The following JOSD1 variants were observed in gnomAD, a reference collection of about 807,000 sequenced individuals.
JOSD1 encodes josephin-1.
JOSD1 carries 11 observed loss-of-function variants against 24.3 expected under a neutral mutation model. The observed-to-expected ratio is 0.45, with a 90% CI of 0.29 to 0.75. The LOEUF is 0.75. Ranked by LOEUF, JOSD1 falls within the 30% of genes least tolerant of loss-of-function variation. JOSD1 has a pLI of 0.11. For synonymous variants in JOSD1, 106 were observed against 93.8 expected, an observed-to-expected ratio of 1.13 and a Z score of -0.75; for missense variants, 184 against 253.5, an observed-to-expected ratio of 0.73 and a Z score of 1.86.
chr22:38,700,908 G>A lies in JOSD1; in HGVS notation c.-740C>T, dbSNP rs1430049885. The A allele has an allele frequency of 1.2e-5, 12 of 984,426 alleles. No homozygotes were observed. The highest frequency in any genetic ancestry group is 1.4e-5 in the Non-Finnish European group (12 of 829,664). The allele number at this position is 984,426 out of a possible 1,614,324, so 61.0% of individuals were successfully genotyped here. A position where few individuals can be genotyped will look rare whatever the true frequency, so the allele number is the denominator to read the frequency against. ...CGCCGCTGGCGGTCCCCTCACCGCA[G>A]CCGGCCGCCACCTGGAGTGCGCGCC... On this transcript the variant is annotated 5_prime_UTR_variant, in exon 1 of 5. Transcript: ENST00000683374.
intron 2 of JOSD1, among the ~76,000 whole-genome samples, chr22:38,698,438 CTG>C (rs1412025533): frequency 6.6e-6 from 1 of 152,202 alleles, no homozygotes; most frequent in Non-Finnish European, 1.5e-5. Flanking sequence ...TGGTCCATAC[CTG>C]TGTTTTACAA....
Position 38,699,824 on chromosome 22 carries a change from G to A in JOSD1, c.164C>T (p.Thr55Met), listed in dbSNP as rs374778860. ...CTACCTCTGGAAAATCTCTTGCAGC[G>A]TATCCCGGGTGAAGGCATTGCTGTC... Reference protein sequence around the residue: ...FQDSNAFTRDTLQEIFQRLSP... With the variant: ...FQDSNAFTRDMLQEIFQRLSP... The change falls in exon 2 of 5, where the codon ACG (threonine) becomes ATG (methionine). Residue 55 changes from threonine to methionine, a missense_variant. Coordinates refer to ENST00000683374, the MANE Select transcript of JOSD1 (RefSeq NM_001360236.2). 48 of 1,614,036 alleles carry A rather than the reference G, an allele frequency of 3.0e-5. No homozygotes were observed. The highest frequency in any genetic ancestry group is 8.8e-5 in the South Asian group (8 of 91,080).
intron 2 of JOSD1, among the ~76,000 whole-genome samples, chr22:38,697,387 T>A (rs1408331169): frequency 6.6e-6 from 1 of 152,266 alleles, no homozygotes; most frequent in Non-Finnish European, 1.5e-5. Flanking sequence ...CTTTATATTA[T>A]GCTGCTAGAA....
At chr22:38,701,090 G>T (rs1047907445), upstream of JOSD1, 10 of 655,794 alleles carry the variant, frequency 1.5e-5, no homozygotes, top group African/African-American at 3.9e-5. Context: ...CACCGGCCTG[G>T]GAGCCGCAGA....
At chr22:38,696,532 G>A (rs530192953) in intron 2 of JOSD1, among the ~76,000 whole-genome samples, 5 of 152,242 alleles carry the variant, frequency 3.3e-5, no homozygotes, top group African/African-American at 1.2e-4. Flanking sequence ...GAGCCACCGT[G>A]CCTGGCCCAC....
chr22:38,699,589 G>A (rs952730510), intron 2 of JOSD1, among the ~76,000 whole-genome samples: 2 of 152,212 alleles, frequency 1.3e-5, no homozygotes, highest in African/African-American at 4.8e-5. Context: ...GATCACTCAA[G>A]AAAACACAGC....
At chr22:38,699,692 G>A (rs1419444409) in intron 2 of JOSD1, 111 bp downstream of exon 2, 4 of 1,022,610 alleles carry the variant, frequency 3.9e-6, no homozygotes, top group Non-Finnish European at 6.1e-6. Context: ...ACCTGCTAAC[G>A]CAATCTAGCT....
At chr22:38,695,039 T>C (rs887455053) in intron 2 of JOSD1, among the ~76,000 whole-genome samples, 1 of 152,122 alleles carries the variant, frequency 6.6e-6, no homozygotes, top group Admixed American at 6.6e-5. Flanking sequence ...AAGATTCTTT[T>C]CCCCGCCCTA....
Position 38,686,199 on chromosome 22 carries a change from C to T in JOSD1, c.*1703G>A, listed in dbSNP as rs561360195. 1.3e-5 allele frequency: 2 copies of T among 152,664 alleles called. No homozygotes were observed. Among genetic ancestry groups the T allele is most frequent in the South Asian group, 2.1e-4 (1 of 4,814 alleles). The allele number at this position is 152,664 out of a possible 1,614,324, so 9.5% of individuals were successfully genotyped here. ...CTGAGAAGATATAACGCAGTAGCCGCTTGGTGGCCTGTTACTCAGCATTAA... is the reference window on the plus strand; with the variant it reads ...CTGAGAAGATATAACGCAGTAGCCGTTTGGTGGCCTGTTACTCAGCATTAA... On this transcript the variant is annotated 3_prime_UTR_variant, in exon 5 of 5. Transcript: ENST00000683374.
rs572364048 is a variant in JOSD1 at position 38,688,808 on chromosome 22, A to C, written c.509+127T>G. 1.5e-5 allele frequency: 13 copies of C among 854,756 alleles called. No homozygotes were observed. The East Asian group carries it at 3.2e-4, about 21-fold the overall frequency. The allele number at this position is 854,756 out of a possible 1,614,324, so 52.9% of individuals were successfully genotyped here. ...TCAGGTCCGAGACACTATGATTCTA[A>C]GGCAGGGAGAGAATCCAAGGGCACA... On this transcript the variant is annotated intron_variant, in intron 4 of 4. Transcript: ENST00000683374.
chr22:38,693,695 T>C (rs1386839136), intron 2 of JOSD1, among the ~76,000 whole-genome samples: 1 of 152,236 alleles, frequency 6.6e-6, no homozygotes, highest in Admixed American at 6.5e-5. Flanking sequence ...TTCTCCTGTC[T>C]CAGCCTCCCT....
Position 38,685,613 on chromosome 22 carries a change from G to A in JOSD1, c.*2289C>T, listed in dbSNP as rs2095966267. Reference sequence around the variant, plus strand: ...ATTATAGAATTCAGGCAGACAAGGAGACATATATGGAGTTTTCCATTTTTA... The same window carrying A: ...ATTATAGAATTCAGGCAGACAAGGAAACATATATGGAGTTTTCCATTTTTA... On this transcript the variant is annotated 3_prime_UTR_variant, in exon 5 of 5. Transcript: ENST00000683374. The A allele has an allele frequency of 6.6e-6, 1 of 152,490 alleles. No homozygotes were observed. Among genetic ancestry groups the A allele is most frequent in the Admixed American group, 6.5e-5 (1 of 15,274 alleles). The allele number at this position is 152,490 out of a possible 1,614,324, so 9.4% of individuals were successfully genotyped here.
intron 2 of JOSD1, among the ~76,000 whole-genome samples, chr22:38,695,797 C>T (rs1428614507): frequency 1.3e-5 from 2 of 152,034 alleles, no homozygotes; most frequent in Non-Finnish European, 2.9e-5. Flanking sequence ...GTGGCTCACG[C>T]CTGTAATCCC....
At chr22:38,690,314 C>T (rs944009373) in intron 2 of JOSD1, among the ~76,000 whole-genome samples, 1 of 152,088 alleles carries the variant, frequency 6.6e-6, no homozygotes, top group African/African-American at 2.4e-5. Flanking sequence ...AGAATCAAGA[C>T]GTTAGGCCAA....
intron 2 of JOSD1, among the ~76,000 whole-genome samples, chr22:38,696,403 A>C (rs1314827901): frequency 2.0e-5 from 3 of 151,638 alleles, no homozygotes; most frequent in Non-Finnish European, 4.4e-5. Context: ...ACCCCAGCTA[A>C]TTTTTGTTTT....
At chr22:38,691,078 C>T (rs1418662307) in intron 2 of JOSD1, among the ~76,000 whole-genome samples, 3 of 152,030 alleles carry the variant, frequency 2.0e-5, no homozygotes, top group East Asian at 1.9e-4. Flanking sequence ...AAACCCCATG[C>T]TCCTGGCCGG....
intron 2 of JOSD1, among the ~76,000 whole-genome samples, chr22:38,695,511 G>A (rs1181060233): frequency 6.9e-6 from 1 of 144,952 alleles, no homozygotes; most frequent in Admixed American, 7.2e-5. Flanking sequence ...GCAGTGGCAC[G>A]AACATGGCTC....
intron 2 of JOSD1, among the ~76,000 whole-genome samples, chr22:38,693,612 C>T (rs1419602109): frequency 2.6e-5 from 4 of 152,110 alleles, no homozygotes; most frequent in African/African-American, 9.7e-5. Context: ...TTTTTTCTTC[C>T]TCTGTCACCT....
intron 2 of JOSD1, among the ~76,000 whole-genome samples, chr22:38,699,216 C>T (rs1218830638): frequency 6.6e-6 from 1 of 152,212 alleles, no homozygotes. Context: ...CAGCATAATA[C>T]AGGCAGTGAA....
Sources: allele counts gnomAD v4.1 joint callset (sites outside exome capture counted in the v4.1 genomes callset), GRCh38; gene constraint gnomAD v4.1.1; transcripts MANE v1.5; gene names NCBI Gene and HGNC (gene_info 2026-07-23, HGNC 2026-07-21).